TCF12: variants seen among roughly 807,000 people sequenced by gnomAD.
TCF12 encodes the protein transcription factor 12.
In TCF12, 45 loss-of-function variants were observed where a neutral mutation model predicts 86.0. The ratio of observed to expected loss-of-function variants is 0.52; its 90% confidence interval spans 0.41 to 0.67. The LOEUF (loss-of-function observed/expected upper bound fraction) is 0.67. Ranked by LOEUF, TCF12 falls within the 30% of genes least tolerant of loss-of-function variation. The pLI, the probability that TCF12 is intolerant of heterozygous loss-of-function variation, is 0.00. For synonymous variants in TCF12, 330 were observed against 299.6 expected (o/e 1.10, Z -1.05); for missense variants, 881 against 859.9 (o/e 1.02, Z -0.31).
intron 3 of TCF12, among the ~76,000 whole-genome samples, chr15:57,035,363 A>C (rs1298918841): frequency 6.6e-6 from 1 of 152,180 alleles, no homozygotes. Flanking sequence ...TCCTGGGCTC[A>C]AGCAATTCTT....
chr15:56,982,985 A>T (rs957714271), intron 3 of TCF12, among the ~76,000 whole-genome samples: 1 of 152,242 alleles, frequency 6.6e-6, no homozygotes, highest in Non-Finnish European at 1.5e-5. Context: ...TAAAATGGTC[A>T]TATTGAGGGA....
intron 5 of TCF12, chr15:57,134,285 GA>G (rs1567490600): frequency 6.6e-6 from 1 of 152,090 alleles, no homozygotes; most frequent in Non-Finnish European, 1.5e-5. Flanking sequence ...TTCAACAAAG[GA>G]AAAAATAAAT....
chr15:57,219,593 A>G lies in TCF12; in HGVS notation c.580-11559A>G, dbSNP rs1164654209. On this transcript the variant is annotated intron_variant, in intron 8 of 20. Coordinates refer to ENST00000333725, the MANE Select transcript of TCF12 (RefSeq NM_207037.2). ...TGTATTACTACAATGGGAAAACGGTAAGCCTTTTTCTTTGTATAGCTTCTA... is the reference window on the plus strand; with the variant it reads ...TGTATTACTACAATGGGAAAACGGTGAGCCTTTTTCTTTGTATAGCTTCTA... The G allele has an allele frequency of 2.5e-6, 4 of 1,612,550 alleles. No homozygotes were observed. The South Asian group carries it at 4.4e-5, about 18-fold the overall frequency.
At chr15:57,091,349 A>G (rs1320942021) in intron 4 of TCF12, among the ~76,000 whole-genome samples, 1 of 152,188 alleles carries the variant, frequency 6.6e-6, no homozygotes, top group Non-Finnish European at 1.5e-5. Context: ...AGTGAATAGG[A>G]GGATAAAGAT....
intron 3 of TCF12, among the ~76,000 whole-genome samples, chr15:57,015,834 AT>A (rs2065121960): frequency 6.6e-6 from 1 of 152,210 alleles, no homozygotes; most frequent in South Asian, 2.1e-4. Flanking sequence ...AGTTCCAACC[AT>A]TGTAAACAAC....
At chr15:57,171,556 T>C (rs1484262925) in intron 6 of TCF12, among the ~76,000 whole-genome samples, 1 of 152,224 alleles carries the variant, frequency 6.6e-6, no homozygotes, top group Non-Finnish European at 1.5e-5. Flanking sequence ...CTGCTATTAA[T>C]GTACATAAAA....
At chr15:57,188,939 C>T (rs2056832822) in intron 6 of TCF12, among the ~76,000 whole-genome samples, 1 of 152,180 alleles carries the variant, frequency 6.6e-6, no homozygotes, top group Admixed American at 6.5e-5. Context: ...AGGCGCACAC[C>T]ATCACACCTG....
At chr15:57,059,252 G>C (rs1369289773) in intron 3 of TCF12, among the ~76,000 whole-genome samples, 1 of 152,200 alleles carries the variant, frequency 6.6e-6, no homozygotes, top group Non-Finnish European at 1.5e-5. Context: ...AGAGAAATGT[G>C]TATGTGATTT....
chr15:57,020,694 GTTTA>G (rs1189549083), intron 3 of TCF12, among the ~76,000 whole-genome samples: 2 of 152,124 alleles, frequency 1.3e-5, no homozygotes, highest in Non-Finnish European at 2.9e-5. Context: ...TGTTTAATTG[GTTTA>G]TTTTTTTATA....
At chr15:57,218,128 G>C (rs905894576) in intron 8 of TCF12, among the ~76,000 whole-genome samples, 1 of 152,044 alleles carries the variant, frequency 6.6e-6, no homozygotes, top group Non-Finnish European at 1.5e-5. Context: ...AATGAGGTTG[G>C]GGGGATAGGG....
chr15:57,240,510 A>G (rs146774775), intron 12 of TCF12, among the ~76,000 whole-genome samples: 22 of 152,350 alleles, frequency 1.4e-4, no homozygotes, highest in African/African-American at 4.8e-4. Context: ...TATTTCATAA[A>G]GATGAGCATC....
At chr15:57,071,194 C>T (rs1453890433) in intron 4 of TCF12, among the ~76,000 whole-genome samples, 1 of 151,390 alleles carries the variant, frequency 6.6e-6, no homozygotes, top group Non-Finnish European at 1.5e-5. Flanking sequence ...ATTGCTTGAG[C>T]CCAAGAGTTT....
intron 3 of TCF12, among the ~76,000 whole-genome samples, chr15:57,007,782 CTTTCTTTCTCTCTTTCTT>C (rs2064491622): frequency 2.8e-5 from 1 of 35,270 alleles, no homozygotes; most frequent in Admixed American, 3.0e-4. Context: ...TTCTTTCTTT[CTTTCTTTCTCTCTTTCTT>C]TCTTTCTTTC....
intron 3 of TCF12, among the ~76,000 whole-genome samples, chr15:56,936,634 C>G (rs2060482113): frequency 6.6e-6 from 1 of 152,112 alleles, no homozygotes; most frequent in South Asian, 2.1e-4. Flanking sequence ...AGTTTTTGAT[C>G]CATCTTGAGT....
chr15:57,090,129 GA>G (rs1163746637), intron 4 of TCF12, among the ~76,000 whole-genome samples: 1 of 151,938 alleles, frequency 6.6e-6, no homozygotes, highest in Admixed American at 6.6e-5. Context: ...GAGGTGGGAG[GA>G]TCACTTGAGC....
chr15:56,999,496 G>A (rs1159740250), intron 3 of TCF12, among the ~76,000 whole-genome samples: 4 of 152,108 alleles, frequency 2.6e-5, no homozygotes, highest in African/African-American at 9.7e-5. Context: ...GACAACTTAG[G>A]TGAAATAGAC....
intron 5 of TCF12, among the ~76,000 whole-genome samples, chr15:57,121,929 A>T (rs1004770970): frequency 6.6e-6 from 1 of 152,170 alleles, no homozygotes; most frequent in South Asian, 2.1e-4. Context: ...TGTCCTTGCC[A>T]TATTTTTATG....
At chr15:57,121,503 T>G (rs1255954198) in intron 5 of TCF12, among the ~76,000 whole-genome samples, 1 of 152,204 alleles carries the variant, frequency 6.6e-6, no homozygotes, top group East Asian at 1.9e-4. Flanking sequence ...TAAATAGGAT[T>G]AACGCCTTAT....
intron 3 of TCF12, among the ~76,000 whole-genome samples, chr15:57,051,532 C>T (rs929947052): frequency 6.6e-6 from 1 of 152,080 alleles, no homozygotes; most frequent in Non-Finnish European, 1.5e-5. Flanking sequence ...CTATGTTGCC[C>T]AGGCTGTCTC....
Sources: allele counts gnomAD v4.1 joint callset (sites outside exome capture counted in the v4.1 genomes callset), GRCh38; gene constraint gnomAD v4.1.1; transcripts MANE v1.5; gene names NCBI Gene and HGNC (gene_info 2026-07-23, HGNC 2026-07-21).